Variants in DAB1 observed in about 807,000 individuals in gnomAD.
The protein encoded by DAB1 is disabled homolog 1.
In DAB1, 15 loss-of-function variants were observed where a neutral mutation model predicts 64.6. That is an observed-to-expected ratio of 0.23 (90% confidence interval 0.16 to 0.36). The LOEUF (loss-of-function observed/expected upper bound fraction) is 0.36, where lower values mean the gene tolerates loss of function less well. Ranked by LOEUF, DAB1 falls within the 10% of genes least tolerant of loss-of-function variation. The probability of loss-of-function intolerance (pLI) is 1.00; values close to 1 mark genes in which losing one functional copy is unlikely to be tolerated. For synonymous variants in DAB1, 235 were observed against 251.9 expected (o/e 0.93, Z 0.64); for missense variants, 596 against 706.7 (o/e 0.84, Z 1.78).
intron 5 of DAB1, among the ~76,000 whole-genome samples, chr1:57,983,997 C>T (rs2764671): frequency 0.83 from 126,608 of 151,776 alleles, 53,793 homozygotes; most frequent in East Asian, 0.92. Flanking sequence ...TGTGCACACA[C>T]ACATTTACTA....
chr1:58,500,819 G>A (rs1645894831), intron 3 of DAB1, among the ~76,000 whole-genome samples: 1 of 152,110 alleles, frequency 6.6e-6, no homozygotes, highest in South Asian at 2.1e-4. Context: ...AAGAAATTCA[G>A]TCTAAATGTT....
chr1:57,498,866 G>T (rs112509029), intron 7 of DAB1, among the ~76,000 whole-genome samples: 27 of 152,326 alleles, frequency 1.8e-4, no homozygotes, highest in African/African-American at 6.5e-4. Flanking sequence ...CAAAAGACAT[G>T]TTTCAAAGGC....
intron 7 of DAB1, among the ~76,000 whole-genome samples, chr1:57,437,321 A>C (rs746643620): frequency 1.2e-4 from 19 of 152,302 alleles, no homozygotes; most frequent in Middle Eastern, 3.4e-3. Flanking sequence ...ATAGGGCTAC[A>C]TGATTGAATT....
At chr1:58,108,022 G>C (rs529582453) in intron 5 of DAB1, among the ~76,000 whole-genome samples, 1 of 152,318 alleles carries the variant, frequency 6.6e-6, no homozygotes, top group African/African-American at 2.4e-5. Flanking sequence ...ACTGGACAAT[G>C]GACAGCAAGA....
chr1:57,899,816 C>A (rs188605748), intron 5 of DAB1, among the ~76,000 whole-genome samples: 40 of 152,286 alleles, frequency 2.6e-4, no homozygotes, highest in African/African-American at 9.6e-4. Flanking sequence ...GGTACGTTTA[C>A]CTCGGAATGC....
Position 57,459,142 on chromosome 1 carries a change from TCTGTGAATGGTTTCAACA to T in DAB1, n.626-167994_626-167977del, listed in dbSNP as rs768243050. On this transcript the variant is annotated intron_variant and non_coding_transcript_variant, in intron 7 of 20. Coordinates refer to the DAB1 transcript ENST00000485760. ...TTACATTGTGTTCTCTTTCAATCAA[TCTGTGAATGGTTTCAACA>T]CTTATGACATAATTTATCTATAATT... Among the ~76,000 whole-genome samples, 39 of 152,156 alleles carry T rather than the reference TCTGTGAATGGTTTCAACA, an allele frequency of 2.6e-4. 1 individual carries two copies. The highest frequency in any genetic ancestry group is 1.2e-3 in the Admixed American group (19 of 15,274).
upstream of DAB1, among the ~76,000 whole-genome samples, chr1:57,428,189 C>T (rs1303095156): frequency 2.0e-5 from 3 of 152,082 alleles, no homozygotes; most frequent in East Asian, 1.9e-4. Context: ...AAGATCTACT[C>T]TCTTAGAAAA....
intron 5 of DAB1, among the ~76,000 whole-genome samples, chr1:57,968,698 G>T (rs1645727366): frequency 6.6e-6 from 1 of 152,120 alleles, no homozygotes; most frequent in South Asian, 2.1e-4. Context: ...TGAGAGATGG[G>T]TTAGAACATA....
At chr1:57,490,544 C>T (rs1195629353) in intron 7 of DAB1, among the ~76,000 whole-genome samples, 1 of 152,058 alleles carries the variant, frequency 6.6e-6, no homozygotes, top group African/African-American at 2.4e-5. Flanking sequence ...AAAATCTCAA[C>T]CCGTAACTTC....
At chr1:57,066,411 T>A (rs1650916790) in intron 8 of DAB1, among the ~76,000 whole-genome samples, 1 of 152,216 alleles carries the variant, frequency 6.6e-6, no homozygotes, top group Non-Finnish European at 1.5e-5. Context: ...ATTGGGAGGC[T>A]GATAACTTCA....
intron 7 of DAB1, among the ~76,000 whole-genome samples, chr1:57,494,181 T>G (rs751213983): frequency 6.6e-6 from 1 of 152,170 alleles, no homozygotes; most frequent in Non-Finnish European, 1.5e-5. Context: ...GAAAGGAGAC[T>G]AGAGACTTAA....
chr1:57,323,908 G>A, intron 1 of DAB1, among the ~76,000 whole-genome samples: 1 of 151,936 alleles, frequency 6.6e-6, no homozygotes, highest in East Asian at 1.9e-4. Context: ...ATGTGAGGAT[G>A]ATAGGTATTA....
chr1:58,288,160 T>C (rs1661736856), intron 4 of DAB1, among the ~76,000 whole-genome samples: 2 of 151,558 alleles, frequency 1.3e-5, no homozygotes, highest in South Asian at 4.2e-4. Context: ...AAAGAACAAA[T>C]ATTTGTTCAT....
At chr1:57,655,169 G>T (rs949025408) in intron 6 of DAB1, among the ~76,000 whole-genome samples, 1 of 151,878 alleles carries the variant, frequency 6.6e-6, no homozygotes, top group African/African-American at 2.4e-5. Context: ...AACCAATAAG[G>T]CATATCCATC....
intron 4 of DAB1, among the ~76,000 whole-genome samples, chr1:58,249,743 A>G (rs1181735329): frequency 6.6e-6 from 1 of 150,910 alleles, no homozygotes; most frequent in Non-Finnish European, 1.5e-5. Context: ...CTGCGCGTCA[A>G]CTCGGCCTCG....
chr1:57,184,556 C>A (rs1663329887), intron 2 of DAB1, among the ~76,000 whole-genome samples: 2 of 152,142 alleles, frequency 1.3e-5, no homozygotes, highest in African/African-American at 4.8e-5. Flanking sequence ...GTAAAGAATG[C>A]AAGGTTACCA....
intron 6 of DAB1, among the ~76,000 whole-genome samples, chr1:57,761,554 C>T (rs1438044519): frequency 6.6e-6 from 1 of 152,192 alleles, no homozygotes; most frequent in Non-Finnish European, 1.5e-5. Context: ...CCAAGGCTTT[C>T]CCAGAGGAAG....
intron 4 of DAB1, among the ~76,000 whole-genome samples, chr1:58,295,848 T>C (rs1661959402): frequency 6.6e-6 from 1 of 151,854 alleles, no homozygotes; most frequent in African/African-American, 2.4e-5. Flanking sequence ...TCCAGCACTT[T>C]GGGAGGTCAA....
intron 5 of DAB1, among the ~76,000 whole-genome samples, chr1:58,126,771 C>G (rs1018034189): frequency 6.6e-6 from 1 of 151,924 alleles, no homozygotes; most frequent in Non-Finnish European, 1.5e-5. Context: ...ATCCATGTCC[C>G]TACAAAGGAC....
Sources: gnomAD v4.1 joint callset for allele counts (sites outside exome capture counted in the v4.1 genomes callset) on GRCh38, gnomAD v4.1.1 for gene constraint, MANE v1.5 for transcripts, NCBI Gene and HGNC (gene_info 2026-07-23, HGNC 2026-07-21) for gene names.